Variants in KCNA6 observed in about 807,000 individuals in gnomAD.
KCNA6 encodes the protein human brain potassium channel-2.
KCNA6 carries 17 observed loss-of-function variants against 29.5 expected under a neutral mutation model. The ratio of observed to expected loss-of-function variants is 0.58; its 90% CI spans 0.39 to 0.86. The LOEUF (loss-of-function observed/expected upper bound fraction) is 0.86, where lower values mean the gene tolerates loss of function less well. Among genes scored for constraint, KCNA6 ranks in the 40% least tolerant of loss-of-function variants. The pLI is 0.00. For missense variants in KCNA6, 450 were observed against 703.4 expected (o/e 0.64, Z 4.07); for synonymous variants, 296 against 304.7 (o/e 0.97, Z 0.30).
At chr12:4,850,882 A>C in the KCNA6 span, 1 of 435,192 alleles carries the variant, frequency 2.3e-6, no homozygotes, top group Admixed American at 2.6e-5. This position sits in a 1 kb window ranked among gnomAD's most constrained non-coding sequence, Gnocchi z 5.4. Flanking sequence ...GAGGCCTCCC[A>C]CAAGCAGCAA....
chr12:4,844,585 G>C, the KCNA6 span, among the ~76,000 whole-genome samples: 1 of 152,246 alleles, frequency 6.6e-6, no homozygotes, highest in South Asian at 2.1e-4. This position sits in a 1 kb window ranked among gnomAD's most constrained non-coding sequence, Gnocchi z 4.0. Flanking sequence ...ACAGCAAAGG[G>C]GCCTTTACTG....
chr12:4,819,235 C>T, the KCNA6 span, among the ~76,000 whole-genome samples: 1 of 152,328 alleles, frequency 6.6e-6, no homozygotes, highest in South Asian at 2.1e-4. Flanking sequence ...TTAACATTCT[C>T]AGTGGTTGAC....
At chr12:4,814,198 T>C (rs56748976), downstream of KCNA6, 11,193 of 167,186 alleles carry the variant, frequency 0.067, 598 homozygotes, top group East Asian at 0.23. This position sits in a 1 kb window ranked among gnomAD's most constrained non-coding sequence, Gnocchi z 4.6. Flanking sequence ...TTACTCCTGA[T>C]TCTTCAGAAA....
the KCNA6 span, among the ~76,000 whole-genome samples, chr12:4,822,751 C>A: frequency 6.6e-6 from 1 of 152,216 alleles, no homozygotes; most frequent in Non-Finnish European, 1.5e-5. Context: ...AGTGGGGATT[C>A]ATGAGTGGCA....
At chr12:4,840,017 A>T in the KCNA6 span, among the ~76,000 whole-genome samples, 10,713 of 152,204 alleles carry the variant, frequency 0.07, 592 homozygotes, top group East Asian at 0.28. Flanking sequence ...TTGGAAGAGA[A>T]AAAACTTCCA....
chr12:4,849,221 G>A, the KCNA6 span, among the ~76,000 whole-genome samples: 1 of 152,104 alleles, frequency 6.6e-6, no homozygotes, highest in Non-Finnish European at 1.5e-5. Context: ...CAGGGAGAAA[G>A]CTTATGATGT....
At chr12:4,842,249 G>A in the KCNA6 span, among the ~76,000 whole-genome samples, 1 of 152,126 alleles carries the variant, frequency 6.6e-6, no homozygotes, top group Non-Finnish European at 1.5e-5. Flanking sequence ...AATAGTCAAA[G>A]GAGGTAGAAA....
At chr12:4,809,916 G>T (rs1177749703) in exon 1 of KCNA6, 1 of 1,191,920 alleles carries the variant, frequency 8.4e-7, no homozygotes, top group East Asian at 2.6e-5. Flanking sequence ...GTCAGACCGC[G>T]AACCGGGAGG....
chr12:4,817,315 C>T (rs886675053), downstream of KCNA6, among the ~76,000 whole-genome samples: 10 of 152,252 alleles, frequency 6.6e-5, 1 homozygote, highest in Non-Finnish European at 4.4e-5. Flanking sequence ...GAGGGATCTT[C>T]CCAGACATAG....
chr12:4,811,851 A>T lies in KCNA6; in HGVS notation c.*220A>T. ...ATCTAAGTGACATTTTTGAAATTCC[A>T]GCGGTGCCACCCAATCATGCCCAGC... On this transcript the variant is annotated 3_prime_UTR_variant, in exon 1 of 1. Transcript: ENST00000280684. This position sits in a 1 kb window ranked among gnomAD's most constrained non-coding sequence, Gnocchi z 7.1. 1 of 569,124 alleles carries T rather than the reference A, an allele frequency of 1.8e-6. No homozygotes were observed. Among genetic ancestry groups the T allele is most frequent in the African/African-American group, 1.9e-5 (1 of 53,384 alleles). 35.3% of individuals were successfully genotyped at this position (569,124 alleles called of 1,614,324 possible).
At chr12:4,827,222 T>C in the KCNA6 span, among the ~76,000 whole-genome samples, 1 of 83,342 alleles carries the variant, frequency 1.2e-5, no homozygotes, top group African/African-American at 4.3e-5. Context: ...CCTTCCTTCC[T>C]TCCTTCCTCC....
chr12:4,813,802 G>C (rs1176360902), downstream of KCNA6: 1 of 167,080 alleles, frequency 6.0e-6, no homozygotes, highest in African/African-American at 2.4e-5. Flanking sequence ...CCCAGCCGAG[G>C]GTAAAAGTTG....
Position 4,811,847 on chromosome 12 carries a change from T to G in KCNA6, c.*216T>G. The G allele has an allele frequency of 1.8e-6, 1 of 571,134 alleles. No homozygotes were observed. The highest frequency in any genetic ancestry group is 3.0e-5 in the East Asian group (1 of 33,756). 35.4% of individuals were successfully genotyped at this position (571,134 alleles called of 1,614,324 possible). A position where few individuals can be genotyped will look rare whatever the true frequency, so the allele number is the denominator to read the frequency against. ...ATCCATCTAAGTGACATTTTTGAAA[T>G]TCCAGCGGTGCCACCCAATCATGCC... On this transcript the variant is annotated 3_prime_UTR_variant, in exon 1 of 1. Transcript: ENST00000280684. The surrounding 1 kb of genome is among the most constrained non-coding windows in gnomAD (Gnocchi z 7.1).
At chr12:4,829,702 T>TA in the KCNA6 span, among the ~76,000 whole-genome samples, 1,742 of 146,058 alleles carry the variant, frequency 0.012, 9 homozygotes, top group Middle Eastern at 0.032. Flanking sequence ...GTTCAGGATT[T>TA]AAAAAAAAAA....
chr12:4,840,696 T>G, the KCNA6 span, among the ~76,000 whole-genome samples: 2 of 152,194 alleles, frequency 1.3e-5, no homozygotes, highest in African/African-American at 4.8e-5. Flanking sequence ...ACACACTGGG[T>G]CAGCAAGAAG....
downstream of KCNA6, among the ~76,000 whole-genome samples, chr12:4,816,663 A>AT (rs1435581709): frequency 6.6e-6 from 1 of 151,814 alleles, no homozygotes; most frequent in Non-Finnish European, 1.5e-5. Context: ...ATTTTTTGAA[A>AT]TTTTTTTTGT....
the KCNA6 span, among the ~76,000 whole-genome samples, chr12:4,844,076 T>C: frequency 1.3e-5 from 2 of 150,524 alleles, no homozygotes; most frequent in Non-Finnish European, 3.0e-5. This position sits in a 1 kb window ranked among gnomAD's most constrained non-coding sequence, Gnocchi z 4.0. Flanking sequence ...GATTGACCTT[T>C]ATTTTTTCCC....
In KCNA6 at chr12:4,810,561, A is replaced by AG; in HGVS notation, c.524dup (p.Ile176HisfsTer53). 1 of 1,614,162 alleles carries AG rather than the reference A, an allele frequency of 6.2e-7. No homozygotes were observed. The highest frequency in any genetic ancestry group is 8.5e-7 in the Non-Finnish European group (1 of 1,180,028). On this transcript the variant is annotated frameshift_variant, in exon 1 of 1. Transcript: ENST00000280684. LOFTEE classifies it high-confidence loss of function. This position sits in a 1 kb window ranked among gnomAD's most constrained non-coding sequence, Gnocchi z 7.5. The stretch of plus-strand genomic sequence containing the variant: ...GTACCCAGAGAGCTCTGGGCCGGCC[A>AG]GGGGCATCGCCATCGTCTCCGTGTT...
At chr12:4,847,063 C>T in the KCNA6 span, among the ~76,000 whole-genome samples, 1 of 151,944 alleles carries the variant, frequency 6.6e-6, no homozygotes, top group Non-Finnish European at 1.5e-5. Flanking sequence ...GGATTACAGA[C>T]GTGAGCCACC....
Sources: allele counts gnomAD v4.1 joint callset (sites outside exome capture counted in the v4.1 genomes callset), GRCh38; gene constraint gnomAD v4.1.1; non-coding constraint Gnocchi (gnomAD v3.1); transcripts MANE v1.5; gene names NCBI Gene and HGNC (gene_info 2026-07-23, HGNC 2026-07-21).